The following SHROOM2 variants were observed in gnomAD, a reference collection of about 807,000 sequenced individuals.
SHROOM2 encodes protein Shroom2.
A neutral mutation model predicts 75.9 loss-of-function variants in SHROOM2; 33 were observed. That is an observed-to-expected ratio of 0.43 (90% CI 0.33 to 0.58). SHROOM2 has a LOEUF of 0.58. Ranked by LOEUF, SHROOM2 falls within the 20% of genes least tolerant of loss-of-function variation. The pLI is 0.04. For missense variants in SHROOM2, 1,434 were observed against 1,461.2 expected (o/e 0.98, Z 0.30); for synonymous variants, 655 against 663.6 (o/e 0.99, Z 0.20).
chrX:9,818,708 C>T, intron 1 of SHROOM2: 2 of 435,779 alleles, frequency 4.6e-6, no homozygotes, highest in Non-Finnish European at 8.3e-6. Flanking sequence ...ATGGCTTTAA[C>T]ATCCAGTCCT....
At chrX:9,853,909 G>C (rs779559214) in intron 1 of SHROOM2, among the ~76,000 whole-genome samples, 1 of 112,383 alleles carries the variant, frequency 8.9e-6, no homozygotes, top group African/African-American at 3.2e-5. Context: ...CCACCCAGAT[G>C]AAGGAATAGA....
At chrX:9,868,519 C>T (rs954925544) in intron 1 of SHROOM2, among the ~76,000 whole-genome samples, 16 of 109,447 alleles carry the variant, frequency 1.5e-4, no homozygotes, top group African/African-American at 5.3e-4. Context: ...GCTGGGATTA[C>T]AAGCGTGAGC....
intron 5 of SHROOM2, among the ~76,000 whole-genome samples, chrX:9,901,559 A>ACTGGAGGGCTTTTTGAGAAACCTGT (rs2084365588): frequency 8.9e-6 from 1 of 111,988 alleles, no homozygotes; most frequent in Non-Finnish European, 1.9e-5. Flanking sequence ...GCAAAACCTG[A>ACTGGAGGGCTTTTTGAGAAACCTGT]CTGGAGGGCT....
At chrX:9,849,062 C>T (rs917797263) in intron 1 of SHROOM2, among the ~76,000 whole-genome samples, 1 of 111,868 alleles carries the variant, frequency 8.9e-6, no homozygotes, top group Non-Finnish European at 1.9e-5. Context: ...TGTCGGAAAC[C>T]GAGCTTCTCT....
chrX:9,908,074 G>A (rs1055076900), intron 5 of SHROOM2, among the ~76,000 whole-genome samples: 4 of 112,626 alleles, frequency 3.6e-5, no homozygotes, highest in Admixed American at 1.9e-4. Context: ...GTAATAGTTC[G>A]CGATTATCTT....
chrX:9,931,430 T>C (rs1357449444), intron 5 of SHROOM2, among the ~76,000 whole-genome samples: 1 of 111,470 alleles, frequency 9.0e-6, no homozygotes, highest in Non-Finnish European at 1.9e-5. Context: ...GAGGATCACT[T>C]GAACCCAGGA....
chrX:9,945,050 T>C (rs2084806593), intron 9 of SHROOM2, 137 bp downstream of exon 9: 1 of 564,515 alleles, frequency 1.8e-6, no homozygotes, highest in Non-Finnish European at 2.8e-6. Context: ...GCAGACCTTG[T>C]CGAGACAGTG....
At chrX:9,822,897 C>T (rs1397942460) in intron 1 of SHROOM2, among the ~76,000 whole-genome samples, 4 of 111,866 alleles carry the variant, frequency 3.6e-5, no homozygotes, top group African/African-American at 6.5e-5. Flanking sequence ...ACACTGGCAG[C>T]GGGGGTCTTC....
intron 1 of SHROOM2, among the ~76,000 whole-genome samples, chrX:9,870,414 C>T (rs1793678236): frequency 8.9e-6 from 1 of 112,172 alleles, no homozygotes; most frequent in Admixed American, 9.5e-5. Context: ...TGCTTTTCTC[C>T]AGACTCATTA....
intron 1 of SHROOM2, among the ~76,000 whole-genome samples, chrX:9,823,026 T>TCTCCTCCTCCTCCTCCTCCTCCTC (rs1184264540): frequency 3.3e-5 from 1 of 30,455 alleles, no homozygotes. Flanking sequence ...TCCTTCTCCT[T>TCTCCTCCTCCTCCTCCTCCTCCTC]CTCCTCCTCC....
rs1054167317 is a variant in SHROOM2 at position 9,843,745 on chromosome X, G to C, written c.166-29907G>C. On this transcript the variant is annotated intron_variant, in intron 1 of 9. Transcript: ENST00000380913. ...CTGTCACCTTAGGTTCTTCTTGACTGTGACAGTTTTTCAGACCTTCCTTGT... is the reference window on the plus strand; with the variant it reads ...CTGTCACCTTAGGTTCTTCTTGACTCTGACAGTTTTTCAGACCTTCCTTGT... 2.7e-5 allele frequency among the ~76,000 whole-genome samples: 3 copies of C among 112,379 alleles called. No individual in the cohort carries two copies. In the Admixed American group the frequency reaches 2.8e-4, roughly 11 times the overall value.
At chrX:9,787,092 C>T (rs1483872456) in intron 1 of SHROOM2, among the ~76,000 whole-genome samples, 1 of 111,898 alleles carries the variant, frequency 8.9e-6, no homozygotes, top group Non-Finnish European at 1.9e-5. Flanking sequence ...TCTGGGGTCC[C>T]TGGTTCGGCA....
chrX:9,887,853 A>G (rs762030491), intron 2 of SHROOM2, among the ~76,000 whole-genome samples: 1 of 112,927 alleles, frequency 8.9e-6, no homozygotes, highest in Non-Finnish European at 1.9e-5. Context: ...TGGGGTTACT[A>G]CATCTCTAAG....
chrX:9,885,585 A>T (rs1279714573), intron 2 of SHROOM2, among the ~76,000 whole-genome samples: 1 of 111,750 alleles, frequency 8.9e-6, no homozygotes, highest in East Asian at 2.8e-4. Context: ...CACTGTCCAC[A>T]GTAACCAAGA....
chrX:9,808,241 T>C (rs1038038291), intron 1 of SHROOM2, among the ~76,000 whole-genome samples: 5 of 110,825 alleles, frequency 4.5e-5, no homozygotes, highest in African/African-American at 1.6e-4. Context: ...CCTGCACTTC[T>C]TTTTTCTTGA....
At chrX:9,793,231 C>T (rs1054308564) in intron 1 of SHROOM2, among the ~76,000 whole-genome samples, 1 of 110,828 alleles carries the variant, frequency 9.0e-6, no homozygotes, top group Admixed American at 9.6e-5. Context: ...TTGTATATTG[C>T]TGCAACTTTT....
rs187382808 is a variant in SHROOM2, at chrX:9,868,876, A to G, written c.166-4776A>G. ...ATTCCAGGCATGAGCCACTGCTCTC[A>G]GCCCTAGACACAATTTTAAAGTTCA... On this transcript the variant is annotated intron_variant, in intron 1 of 9. Transcript: ENST00000380913. Among the ~76,000 whole-genome samples the G allele has an allele frequency of 1.8e-3, 195 of 108,863 alleles. 1 individual carries two copies. The highest frequency in any genetic ancestry group is 6.0e-3 in the African/African-American group (178 of 29,889). The allele number at this position is 108,863 out of a possible 115,157, so 94.5% of individuals were successfully genotyped here.
intron 1 of SHROOM2, among the ~76,000 whole-genome samples, chrX:9,819,870 T>C (rs1448008424): frequency 9.4e-6 from 1 of 106,748 alleles, no homozygotes; most frequent in African/African-American, 3.4e-5. Flanking sequence ...CTTGGCTCAC[T>C]GCAACTTCCG....
chrX:9,792,216 C>T (rs769017867), intron 1 of SHROOM2, among the ~76,000 whole-genome samples: 1 of 110,279 alleles, frequency 9.1e-6, no homozygotes, highest in East Asian at 2.8e-4. Flanking sequence ...TGTCCTTTAC[C>T]TTGTGTGATG....
Sources: allele counts gnomAD v4.1 joint callset (sites outside exome capture counted in the v4.1 genomes callset), GRCh38; gene constraint gnomAD v4.1.1; transcripts MANE v1.5; gene names NCBI Gene and HGNC (gene_info 2026-07-23, HGNC 2026-07-21).